Variants in NR5A2 observed in about 807,000 individuals in gnomAD.
NR5A2 encodes the protein nuclear receptor subfamily 5 group A member 2.
NR5A2 carries 26 observed loss-of-function variants against 62.7 expected under a neutral mutation model. The ratio of observed to expected loss-of-function variants is 0.41; its 90% CI spans 0.30 to 0.58. The LOEUF (loss-of-function observed/expected upper bound fraction) is 0.58, where lower values mean the gene tolerates loss of function less well. Ranked by LOEUF, NR5A2 falls within the 20% of genes least tolerant of loss-of-function variation. NR5A2 has a pLI of 0.22. For missense variants in NR5A2, 541 were observed against 669.1 expected (o/e 0.81, Z 2.11); for synonymous variants, 246 against 241.7 (o/e 1.02, Z -0.16).
chr1:200,038,135 G>A (rs1661865633), intron 1 of NR5A2, among the ~76,000 whole-genome samples: 2 of 152,172 alleles, frequency 1.3e-5, no homozygotes, highest in African/African-American at 2.4e-5. Flanking sequence ...CTTTGAAGAT[G>A]CGGCTGGGCT....
At chr1:200,123,317 A>C (rs1210189522) in intron 7 of NR5A2, among the ~76,000 whole-genome samples, 1 of 152,244 alleles carries the variant, frequency 6.6e-6, no homozygotes, top group Non-Finnish European at 1.5e-5. Flanking sequence ...TGTGGTCCCA[A>C]GCGGGTGCAG....
In NR5A2 at chr1:200,038,765, G is replaced by C. The variant is rs374223538; in HGVS notation, c.65-893G>C. On this transcript the variant is annotated intron_variant, in intron 1 of 7. Coordinates refer to ENST00000367362, the MANE Select transcript of NR5A2 (RefSeq NM_205860.3). ...CCACGCTCAGACAGAGGTCGCTTCT[G>C]ACTAGCTGTAAGACCCGGCTGCATT... 1.7e-3 allele frequency: 2,294 copies of C among 1,361,628 alleles called. 3 individuals carry two copies. Among genetic ancestry groups the C allele is most frequent in the Non-Finnish European group, 2.1e-3 (2,121 of 1,019,498 alleles). 84.3% of individuals were successfully genotyped at this position (1,361,628 alleles called of 1,614,324 possible). A position where few individuals can be genotyped will look rare whatever the true frequency, so the allele number is the denominator to read the frequency against.
Position 200,043,906 on chromosome 1 carries a change from T to C in NR5A2, c.321+14T>C, listed in dbSNP as rs1189717776. The C allele has an allele frequency of 1.3e-6, 2 of 1,517,200 alleles. No homozygotes were observed. The highest frequency in any genetic ancestry group is 1.8e-6 in the Non-Finnish European group (2 of 1,096,372). The allele number at this position is 1,517,200 out of a possible 1,614,324, so 94.0% of individuals were successfully genotyped here. On this transcript the variant is annotated intron_variant, in intron 3 of 7. Coordinates refer to ENST00000367362, the MANE Select transcript of NR5A2 (RefSeq NM_205860.3). ...GAAAGCTGCAAGGTTTGCTCACACA[T>C]TGCTACCTGAAAAATATAATGTCCA...
chr1:200,145,351 G>A (rs989712243), intron 7 of NR5A2, among the ~76,000 whole-genome samples: 1 of 151,828 alleles, frequency 6.6e-6, no homozygotes, highest in Admixed American at 6.6e-5. Flanking sequence ...AATTTCCAGA[G>A]TAATGGCAAT....
chr1:200,036,819 T>TTA (rs1023648721), intron 1 of NR5A2, among the ~76,000 whole-genome samples: 3 of 152,206 alleles, frequency 2.0e-5, no homozygotes, highest in African/African-American at 4.8e-5. Context: ...TTTCTGCTCT[T>TTA]TCAGTCCCCC....
At chr1:200,069,026 C>T (rs923516505) in intron 5 of NR5A2, among the ~76,000 whole-genome samples, 9 of 152,148 alleles carry the variant, frequency 5.9e-5, no homozygotes, top group Non-Finnish European at 1.3e-4. Context: ...TAATTTTTCT[C>T]TGAGCTAAGT....
intron 5 of NR5A2, among the ~76,000 whole-genome samples, chr1:200,070,620 C>T (rs1323684077): frequency 1.3e-5 from 2 of 149,898 alleles, no homozygotes; most frequent in Non-Finnish European, 2.9e-5. Context: ...GTCCAGGCTA[C>T]GGTAAGCTGA....
chr1:200,137,744 T>TA (rs1667289455), intron 7 of NR5A2, among the ~76,000 whole-genome samples: 1 of 152,194 alleles, frequency 6.6e-6, no homozygotes, highest in South Asian at 2.1e-4. Flanking sequence ...ATGTTTCTGA[T>TA]ATAGACAGGA....
chr1:200,123,960 C>G (rs974913468), intron 7 of NR5A2, among the ~76,000 whole-genome samples: 1 of 151,958 alleles, frequency 6.6e-6, no homozygotes, highest in Non-Finnish European at 1.5e-5. Flanking sequence ...TGCCACCACA[C>G]CTGGCTAATT....
chr1:200,137,575 A>G (rs1667280376), intron 7 of NR5A2, among the ~76,000 whole-genome samples: 1 of 152,216 alleles, frequency 6.6e-6, no homozygotes, highest in South Asian at 2.1e-4. Context: ...TTACCAGATT[A>G]TTAGCCTAGA....
chr1:200,087,224 A>G (rs1246293235), intron 5 of NR5A2, among the ~76,000 whole-genome samples: 1 of 143,260 alleles, frequency 7.0e-6, no homozygotes, highest in African/African-American at 2.6e-5. Context: ...CCTTCAACAC[A>G]TACACCCTTC....
rs758144257 is a variant in NR5A2 at position 200,117,775 on chromosome 1, G to A, written c.1231-3033G>A. On this transcript the variant is annotated intron_variant, in intron 6 of 7. Transcript: ENST00000367362. ...GTCCCCCAGGCTGGAGTGCAATGGCGCAATCTCGGCTCACTGCAACCTCCG... is the reference window on the plus strand; with the variant it reads ...GTCCCCCAGGCTGGAGTGCAATGGCACAATCTCGGCTCACTGCAACCTCCG... 2.4e-4 allele frequency among the ~76,000 whole-genome samples: 36 copies of A among 151,562 alleles called. 1 individual carries two copies. The highest frequency in any genetic ancestry group is 3.4e-3 in the Middle Eastern group (1 of 292).
intron 5 of NR5A2, among the ~76,000 whole-genome samples, chr1:200,066,862 G>A (rs1663504409): frequency 6.6e-6 from 1 of 152,152 alleles, no homozygotes; most frequent in Admixed American, 6.5e-5. Flanking sequence ...ACAGGCGTGA[G>A]CCCCCATGCC....
At chr1:200,045,279 G>C (rs1241090254) in intron 3 of NR5A2, among the ~76,000 whole-genome samples, 164 bp from the exon 4 acceptor site, 1 of 152,194 alleles carries the variant, frequency 6.6e-6, no homozygotes, top group East Asian at 1.9e-4. Flanking sequence ...GCCTGGCACA[G>C]TTTGGGAAGG....
intron 7 of NR5A2, among the ~76,000 whole-genome samples, chr1:200,156,177 A>G (rs950177199): frequency 2.6e-5 from 4 of 152,178 alleles, no homozygotes; most frequent in South Asian, 2.1e-4. Context: ...GAAAATCCCT[A>G]TAAGACAGTA....
intron 5 of NR5A2, among the ~76,000 whole-genome samples, chr1:200,095,208 C>T (rs1665028953): frequency 1.3e-5 from 2 of 152,064 alleles, no homozygotes; most frequent in South Asian, 4.2e-4. Context: ...CCTCAAACTC[C>T]TATCCTCAAG....
intron 7 of NR5A2, among the ~76,000 whole-genome samples, chr1:200,127,216 G>A (rs767121896): frequency 1.3e-5 from 2 of 152,164 alleles, no homozygotes; most frequent in Non-Finnish European, 1.5e-5. Flanking sequence ...CCTCTTCGGA[G>A]ACATTGGATC....
intron 7 of NR5A2, among the ~76,000 whole-genome samples, chr1:200,127,782 T>A (rs1666794341): frequency 7.0e-6 from 1 of 142,560 alleles, no homozygotes; most frequent in African/African-American, 2.6e-5. Flanking sequence ...ACTTTTCAGA[T>A]CTGAAGGTTT....
In NR5A2 at chr1:200,174,022, G is replaced by A. The variant is rs747092960; in HGVS notation, c.1438G>A (p.Ala480Thr). The A allele has an allele frequency of 1.6e-5, 25 of 1,598,088 alleles. No homozygotes were observed. The highest frequency in any genetic ancestry group is 5.2e-5 in the Admixed American group (3 of 58,124). ...VEGVQEQVNA[A>T]LLDYTMCNYP... ...AGGTGTCCAGGAACAAGTCAATGCCGCCCTGCTGGACTACACAATGTGTAA... is the reference window on the plus strand; with the variant it reads ...AGGTGTCCAGGAACAAGTCAATGCCACCCTGCTGGACTACACAATGTGTAA... Residue 480 changes from alanine to threonine, a missense_variant, in exon 8 of 8, where the codon GCC becomes ACC. Around this residue, in one of 3 missense-constraint regions of NR5A2, gnomAD observed 379 missense variants for 442.0 expected, o/e 0.86. Coordinates refer to ENST00000367362, the MANE Select transcript of NR5A2 (RefSeq NM_205860.3).
Sources: gnomAD v4.1 joint callset for allele counts (sites outside exome capture counted in the v4.1 genomes callset) on GRCh38, gnomAD v4.1.1 for gene constraint, gnomAD v4.1.1 regional missense constraint, MANE v1.5 for transcripts, NCBI Gene and HGNC (gene_info 2026-07-23, HGNC 2026-07-21) for gene names.